The following DCBLD2 variants were observed in gnomAD, a reference collection of about 807,000 sequenced individuals.
DCBLD2 encodes the protein discoidin, CUB and LCCL domain-containing protein 2.
In DCBLD2, 54 loss-of-function variants were observed where a neutral mutation model predicts 86.8. The observed-to-expected ratio is 0.62, with a 90% CI of 0.50 to 0.78. DCBLD2 has a LOEUF of 0.78. Among genes scored for constraint, DCBLD2 ranks in the 30% least tolerant of loss-of-function variants. The pLI, the probability that DCBLD2 is intolerant of heterozygous loss-of-function variation, is 0.00. For synonymous variants in DCBLD2, 354 were observed against 341.3 expected (o/e 1.04, Z -0.41); for missense variants, 908 against 954.2 (o/e 0.95, Z 0.64).
At chr3:98,809,374 A>G (rs1941895211) in intron 12 of DCBLD2, among the ~76,000 whole-genome samples, 1 of 152,108 alleles carries the variant, frequency 6.6e-6, no homozygotes, top group Admixed American at 6.5e-5. Context: ...CAAAAGAGAG[A>G]AAGAGGCTGA....
chr3:98,839,144 C>CTTTCT (rs1553727005), intron 3 of DCBLD2, among the ~76,000 whole-genome samples: 3 of 110,954 alleles, frequency 2.7e-5, no homozygotes, highest in African/African-American at 1.1e-4. Flanking sequence ...TCCTTCCTTC[C>CTTTCT]TTCTTTCTTT....
At chr3:98,876,472 A>T (rs1371871471) in intron 2 of DCBLD2, among the ~76,000 whole-genome samples, 1 of 148,540 alleles carries the variant, frequency 6.7e-6, no homozygotes, top group Non-Finnish European at 1.5e-5. Context: ...AAAACAGTTC[A>T]ATTTCACTCA....
Position 98,797,085 on chromosome 3 carries a change from A to C in DCBLD2, c.*2287T>G, listed in dbSNP as rs1316394770. ...AAAACCTCTACTATAAAAACCAATG[A>C]ACTAAAAAGAAGTATAAAGCAGAAA... On this transcript the variant is annotated 3_prime_UTR_variant, in exon 16 of 16. Coordinates refer to ENST00000326840, the MANE Select transcript of DCBLD2 (RefSeq NM_080927.4). 1 of 151,988 alleles carries C rather than the reference A, an allele frequency of 6.6e-6. No individual in the cohort carries two copies. The highest frequency in any genetic ancestry group is 1.9e-4 in the East Asian group (1 of 5,198). 9.4% of individuals were successfully genotyped at this position (151,988 alleles called of 1,614,324 possible). A position where few individuals can be genotyped will look rare whatever the true frequency, so the allele number is the denominator to read the frequency against.
intron 3 of DCBLD2, among the ~76,000 whole-genome samples, chr3:98,829,543 T>C (rs938767013): frequency 1.3e-5 from 2 of 152,170 alleles, no homozygotes; most frequent in African/African-American, 4.8e-5. Context: ...TGGTTTTCTC[T>C]TCCTGTGAGG....
intron 2 of DCBLD2, among the ~76,000 whole-genome samples, chr3:98,866,420 T>C (rs925462973): frequency 1.1e-4 from 17 of 152,338 alleles, no homozygotes; most frequent in African/African-American, 3.8e-4. Flanking sequence ...TGTGAGATGG[T>C]ATCTCATTGT....
At chr3:98,840,214 T>C (rs942071734) in intron 3 of DCBLD2, among the ~76,000 whole-genome samples, 1 of 152,144 alleles carries the variant, frequency 6.6e-6, no homozygotes, top group African/African-American at 2.4e-5. Flanking sequence ...GAGGTAAAAG[T>C]TGGAACCTGA....
chr3:98,893,661 A>T (rs973614404), intron 1 of DCBLD2, among the ~76,000 whole-genome samples: 1 of 152,206 alleles, frequency 6.6e-6, no homozygotes, highest in Non-Finnish European at 1.5e-5. Flanking sequence ...AGGTACCACA[A>T]AGCAATGAAA....
chr3:98,797,607 G>A lies in DCBLD2; in HGVS notation c.*1765C>T, dbSNP rs990126092. 1 of 152,164 alleles carries A rather than the reference G, an allele frequency of 6.6e-6. No homozygotes were observed. Among genetic ancestry groups the A allele is most frequent in the African/African-American group, 2.4e-5 (1 of 41,414 alleles). The allele number at this position is 152,164 out of a possible 1,614,324, so 9.4% of individuals were successfully genotyped here. ...TTTCAAACATTTTGAAACAAAATAT[G>A]TATTGATTCTTCAATGAATGAAATC... is the stretch of plus-strand genomic sequence containing the variant. On this transcript the variant is annotated 3_prime_UTR_variant, in exon 16 of 16. Coordinates refer to ENST00000326840, the MANE Select transcript of DCBLD2 (RefSeq NM_080927.4).
chr3:98,844,609 C>T (rs546442500), intron 3 of DCBLD2, among the ~76,000 whole-genome samples: 7 of 152,178 alleles, frequency 4.6e-5, no homozygotes, highest in East Asian at 3.9e-4. Context: ...ATGACCCACC[C>T]GCTTCGGCCT....
chr3:98,802,992 A>C (rs2107420993), intron 13 of DCBLD2, among the ~76,000 whole-genome samples: 1 of 152,272 alleles, frequency 6.6e-6, no homozygotes, highest in South Asian at 2.1e-4. Context: ...TGATGCCTCC[A>C]GCTTTGTTCT....
chr3:98,811,282 G>A lies in DCBLD2; in HGVS notation c.1488C>T (p.Arg496=), dbSNP rs954810005. 3.1e-6 allele frequency: 5 copies of A among 1,613,018 alleles called. No individual in the cohort carries two copies. The highest frequency in any genetic ancestry group is 4.2e-6 in the Non-Finnish European group (5 of 1,179,478). The change falls in exon 12 of 16, where the codon CGC becomes CGT. Residue 496 remains arginine (R), a synonymous_variant. Transcript: ENST00000326840. ...TCTGTGCAGGAAATTCATTGCTACT[G>A]CGAGGTTGTAGTGGTTGCGTAAATT... The part of the protein sequence containing the change: ...APKFTQPLQP[R]SSNEFPAQTE...
chr3:98,900,593 G>C (rs1943830094), intron 1 of DCBLD2: 1 of 156,646 alleles, frequency 6.4e-6, no homozygotes, highest in African/African-American at 2.4e-5. Context: ...AGGCAGTCTA[G>C]ACCACCAGCC....
intron 2 of DCBLD2, among the ~76,000 whole-genome samples, chr3:98,854,673 G>A (rs1250070450): frequency 6.6e-6 from 1 of 152,132 alleles, no homozygotes; most frequent in Non-Finnish European, 1.5e-5. Flanking sequence ...TTTAAATTAT[G>A]TTTTTCTACA....
intron 3 of DCBLD2, among the ~76,000 whole-genome samples, chr3:98,831,053 T>C (rs959248602): frequency 6.6e-6 from 1 of 151,966 alleles, no homozygotes; most frequent in Non-Finnish European, 1.5e-5. Flanking sequence ...GTTTTTGGTG[T>C]ACAGAAATGC....
intron 2 of DCBLD2, among the ~76,000 whole-genome samples, chr3:98,860,677 C>G (rs371614783): frequency 2.0e-5 from 3 of 152,156 alleles, no homozygotes; most frequent in South Asian, 2.1e-4. Context: ...CAAACGCTGA[C>G]AGATTTTGTC....
At chr3:98,799,880 A>G in intron 15 of DCBLD2, 39 bp from the exon 16 acceptor site, 1 of 1,512,974 alleles carries the variant, frequency 6.6e-7, no homozygotes, top group South Asian at 1.3e-5. Context: ...TCATTTTACT[A>G]GTAAAGAGAT....
intron 2 of DCBLD2, among the ~76,000 whole-genome samples, chr3:98,865,469 G>A (rs945949000): frequency 1.3e-5 from 2 of 152,172 alleles, no homozygotes; most frequent in African/African-American, 4.8e-5. Context: ...TTGGAGGGAT[G>A]AGCTGGAGAG....
chr3:98,870,295 A>C (rs1351592800), intron 2 of DCBLD2, among the ~76,000 whole-genome samples: 1 of 152,044 alleles, frequency 6.6e-6, no homozygotes, highest in African/African-American at 2.4e-5. Flanking sequence ...TTTCATTGGT[A>C]TATGTGTCTA....
rs568827359 is a variant in DCBLD2, at chr3:98,862,470, A to C, written c.434-12872T>G. Among the ~76,000 whole-genome samples the C allele has an allele frequency of 7.2e-5, 11 of 152,364 alleles. No homozygotes were observed. The East Asian group carries it at 1.7e-3, about 24-fold the overall frequency. On this transcript the variant is annotated intron_variant, in intron 2 of 15. Coordinates refer to ENST00000326840, the MANE Select transcript of DCBLD2 (RefSeq NM_080927.4). ...ATGAACATCGATGCAAAAATCCTCA[A>C]TAAAATACTGGCAAACCGAATCCAG...
Sources: allele counts gnomAD v4.1 joint callset (sites outside exome capture counted in the v4.1 genomes callset), GRCh38; gene constraint gnomAD v4.1.1; transcripts MANE v1.5; gene names NCBI Gene and HGNC (gene_info 2026-07-23, HGNC 2026-07-21).